The following SCAPER variants were observed in gnomAD, a reference collection of about 807,000 sequenced individuals.
The protein encoded by SCAPER is S-phase cyclin A associated protein in the ER.
Under a neutral mutation model 182.2 loss-of-function variants are expected in SCAPER, and 98 were observed. The observed-to-expected ratio is 0.54, with a 90% confidence interval of 0.46 to 0.64. The LOEUF is 0.64. Among genes scored for constraint, SCAPER ranks in the 30% least tolerant of loss-of-function variants. The probability of loss-of-function intolerance (pLI) is 0.00; values close to 1 mark genes in which losing one functional copy is unlikely to be tolerated. For missense variants in SCAPER, 1,432 were observed against 1,690.0 expected (o/e 0.85, Z 2.68); for synonymous variants, 605 against 564.6 (o/e 1.07, Z -1.01).
intron 26 of SCAPER, among the ~76,000 whole-genome samples, chr15:76,428,953 C>G (rs76236245): frequency 0.096 from 13,874 of 145,032 alleles, 931 homozygotes; most frequent in African/African-American, 0.18. Context: ...GCAGCGTCCC[C>G]ATCCAAATCT....
At chr15:76,548,864 C>A (rs2144894231) in intron 23 of SCAPER, among the ~76,000 whole-genome samples, 1 of 152,304 alleles carries the variant, frequency 6.6e-6, no homozygotes, top group African/African-American at 2.4e-5. Flanking sequence ...CTAGGCAATA[C>A]CATTCAGGAC....
At chr15:76,824,236 A>G (rs1351491802) in intron 5 of SCAPER, among the ~76,000 whole-genome samples, 1 of 152,272 alleles carries the variant, frequency 6.6e-6, no homozygotes. Flanking sequence ...ATAGGCATTC[A>G]GATAACTCCA....
chr15:76,465,466 C>T (rs1196024156), intron 25 of SCAPER, among the ~76,000 whole-genome samples: 1 of 152,118 alleles, frequency 6.6e-6, no homozygotes, highest in African/African-American at 2.4e-5. Flanking sequence ...ACATTCAGCC[C>T]ACAGCACCCC....
At chr15:76,846,901 T>C (rs2070141117) in intron 4 of SCAPER, among the ~76,000 whole-genome samples, 1 of 152,088 alleles carries the variant, frequency 6.6e-6, no homozygotes, top group Admixed American at 6.6e-5. Flanking sequence ...AGATCTGCAC[T>C]CTCATGTTTG....
intron 20 of SCAPER, among the ~76,000 whole-genome samples, chr15:76,673,980 C>G (rs1317468994): frequency 6.6e-6 from 1 of 151,310 alleles, no homozygotes; most frequent in Non-Finnish European, 1.5e-5. Flanking sequence ...CACACACACA[C>G]ACACACACAC....
intron 23 of SCAPER, among the ~76,000 whole-genome samples, chr15:76,541,127 GA>G (rs939463776): frequency 7.0e-6 from 1 of 142,184 alleles, no homozygotes. Flanking sequence ...CTCAAAAAAA[GA>G]AAAAAAAAAC....
chr15:76,900,885 G>T (rs2074741978), intron 1 of SCAPER, among the ~76,000 whole-genome samples: 1 of 152,148 alleles, frequency 6.6e-6, no homozygotes, highest in Admixed American at 6.5e-5. Context: ...AAAAATTGAG[G>T]TTTGCAATCA....
chr15:76,503,918 C>T (rs2041356743), intron 24 of SCAPER, among the ~76,000 whole-genome samples: 1 of 151,470 alleles, frequency 6.6e-6, no homozygotes, highest in East Asian at 1.9e-4. Context: ...CAGGGTCTTG[C>T]TCTGTTGCCC....
At chr15:76,462,613 TA>T (rs911918074) in intron 25 of SCAPER, among the ~76,000 whole-genome samples, 3 of 152,206 alleles carry the variant, frequency 2.0e-5, no homozygotes, top group Non-Finnish European at 4.4e-5. Context: ...CAGTGTGACA[TA>T]TTTTTTACAC....
intron 29 of SCAPER, among the ~76,000 whole-genome samples, chr15:76,375,586 A>G (rs1384925651): frequency 6.6e-6 from 1 of 152,250 alleles, no homozygotes; most frequent in Non-Finnish European, 1.5e-5. Flanking sequence ...CTACATGGTA[A>G]GAGAGTACAT....
rs79085888 is a variant in SCAPER at position 76,457,401 on chromosome 15, T to C, written c.3078+13811A>G. ...TAATTATTGACACATTGGGTTTAGG[T>C]CTACTGTTTTATTATTTCTTTTCTG... On this transcript the variant is annotated intron_variant, in intron 25 of 31. Transcript: ENST00000563290. 7.5e-3 allele frequency among the ~76,000 whole-genome samples: 1,142 copies of C among 152,322 alleles called. 11 individuals carry two copies. The highest frequency in any genetic ancestry group is 0.014 in the Middle Eastern group (4 of 294).
chr15:76,415,645 T>C (rs1289193341), intron 26 of SCAPER, among the ~76,000 whole-genome samples: 1 of 152,200 alleles, frequency 6.6e-6, no homozygotes, highest in African/African-American at 2.4e-5. Flanking sequence ...AGCATTTACG[T>C]AAATTTAAAA....
intron 2 of SCAPER, among the ~76,000 whole-genome samples, chr15:76,881,941 AG>A (rs1359925813): frequency 2.0e-5 from 3 of 152,226 alleles, no homozygotes; most frequent in Non-Finnish European, 4.4e-5. Flanking sequence ...GAGGAAGAAG[AG>A]AGAAGAAAGC....
At chr15:76,858,939 T>C (rs1043618845) in intron 3 of SCAPER, among the ~76,000 whole-genome samples, 3 of 152,210 alleles carry the variant, frequency 2.0e-5, no homozygotes, top group African/African-American at 7.2e-5. Flanking sequence ...AACATACACA[T>C]ACATGTATCT....
chr15:76,610,493 A>T (rs2050876737), intron 22 of SCAPER, among the ~76,000 whole-genome samples: 2 of 152,226 alleles, frequency 1.3e-5, no homozygotes, highest in African/African-American at 2.4e-5. Flanking sequence ...AAAGAAGTAA[A>T]ATGACTGGAT....
chr15:76,363,913 GT>G (rs2041627239), intron 29 of SCAPER, among the ~76,000 whole-genome samples: 1 of 152,164 alleles, frequency 6.6e-6, no homozygotes, highest in African/African-American at 2.4e-5. Context: ...CTCTTACCAA[GT>G]TTGTCACACC....
intron 23 of SCAPER, among the ~76,000 whole-genome samples, chr15:76,559,309 G>T (rs1326797089): frequency 6.6e-6 from 1 of 150,588 alleles, no homozygotes; most frequent in Non-Finnish European, 1.5e-5. Context: ...ACCTGCCTTG[G>T]CTTCCCAAAG....
chr15:76,697,482 T>C (rs1473793854), intron 20 of SCAPER, among the ~76,000 whole-genome samples: 1 of 152,218 alleles, frequency 6.6e-6, no homozygotes, highest in Non-Finnish European at 1.5e-5. Flanking sequence ...TCTTCCGAAG[T>C]GCGTGAATCC....
intron 14 of SCAPER, among the ~76,000 whole-genome samples, chr15:76,755,143 T>C (rs2062340686): frequency 1.3e-5 from 2 of 152,184 alleles, no homozygotes; most frequent in Admixed American, 1.3e-4. Context: ...ATAATTTTGC[T>C]GGCATTAAAA....
Sources: gnomAD v4.1 joint callset for allele counts (sites outside exome capture counted in the v4.1 genomes callset) on GRCh38, gnomAD v4.1.1 for gene constraint, MANE v1.5 for transcripts, NCBI Gene and HGNC (gene_info 2026-07-23, HGNC 2026-07-21) for gene names.